Variants in DENND2B observed in about 807,000 individuals in gnomAD.
DENND2B encodes DENN domain containing 2B.
DENND2B carries 32 observed loss-of-function variants against 116.0 expected under a neutral mutation model. The observed-to-expected ratio is 0.28, with a 90% CI of 0.21 to 0.37. DENND2B has a LOEUF of 0.37. DENND2B is among the 10% of genes least tolerant of loss of function. The pLI, the probability that DENND2B is intolerant of heterozygous loss-of-function variation, is 1.00. For synonymous variants in DENND2B, 588 were observed against 583.9 expected, an observed-to-expected ratio of 1.01 and a Z score of -0.10; for missense variants, 1,276 against 1,477.7, an observed-to-expected ratio of 0.86 and a Z score of 2.24.
intron 2 of DENND2B, among the ~76,000 whole-genome samples, chr11:8,862,253 C>G (rs2063418076): frequency 6.7e-6 from 1 of 150,016 alleles, no homozygotes; most frequent in Admixed American, 6.6e-5. Context: ...AAAATGACCT[C>G]AAGTGATAAG....
chr11:8,798,701 G>GA (rs962143141), intron 1 of DENND2B, among the ~76,000 whole-genome samples: 2 of 151,474 alleles, frequency 1.3e-5, no homozygotes, highest in African/African-American at 2.4e-5. Flanking sequence ...TAAATGGAGG[G>GA]AAAAAAAACC....
At chr11:8,759,574 C>G (rs530042304) in intron 1 of DENND2B, among the ~76,000 whole-genome samples, 2 of 152,244 alleles carry the variant, frequency 1.3e-5, no homozygotes, top group African/African-American at 2.4e-5. Flanking sequence ...TAGGCAGCAG[C>G]CTAAAGGGAC....
At chr11:8,727,444 C>T (rs535098532) in intron 3 of DENND2B, among the ~76,000 whole-genome samples, 14 of 152,332 alleles carry the variant, frequency 9.2e-5, no homozygotes, top group Admixed American at 4.6e-4. Flanking sequence ...TCCTGGCTTT[C>T]AACTAACTCT....
chr11:8,762,150 A>G (rs1030664966), intron 1 of DENND2B, among the ~76,000 whole-genome samples: 10 of 152,142 alleles, frequency 6.6e-5, no homozygotes, highest in African/African-American at 1.9e-4. Context: ...CATAGCTCCC[A>G]TTACTCAAAG....
upstream of DENND2B, chr11:8,811,132 G>A (rs890013965): frequency 5.1e-6 from 2 of 395,068 alleles, no homozygotes; most frequent in South Asian, 2.8e-4. Context: ...CGGGTAGGAG[G>A]GACCCTGATG....
At chr11:8,743,560 A>AC (rs2050646418) in intron 2 of DENND2B, among the ~76,000 whole-genome samples, 1 of 151,524 alleles carries the variant, frequency 6.6e-6, no homozygotes, top group Admixed American at 6.6e-5. Flanking sequence ...AAAAAAAAAA[A>AC]TTTTTTTTTT....
At chr11:8,802,539 G>A (rs1238631024) in intron 1 of DENND2B, among the ~76,000 whole-genome samples, 1 of 152,092 alleles carries the variant, frequency 6.6e-6, no homozygotes, top group African/African-American at 2.4e-5. Flanking sequence ...AGGTGGCAGA[G>A]GCAGAATTTG....
At chr11:8,780,090 G>T in intron 1 of DENND2B, among the ~76,000 whole-genome samples, 1 of 152,138 alleles carries the variant, frequency 6.6e-6, no homozygotes, top group East Asian at 1.9e-4. Flanking sequence ...TATGGTTCCT[G>T]GAAGCCAGGA....
chr11:8,837,765 C>CCCA (rs2062485559), intron 4 of DENND2B, among the ~76,000 whole-genome samples: 3 of 152,288 alleles, frequency 2.0e-5, no homozygotes, highest in Admixed American at 1.3e-4. Flanking sequence ...ATGAACAGAA[C>CCCA]CAACAATCAA....
chr11:8,776,154 G>GCT, intron 1 of DENND2B: 2 of 287,974 alleles, frequency 6.9e-6, no homozygotes, highest in Non-Finnish European at 1.4e-5. Flanking sequence ...GCGCACGCGC[G>GCT]CGCGCGCACA....
intron 4 of DENND2B, among the ~76,000 whole-genome samples, chr11:8,822,368 T>C (rs988013956): frequency 3.9e-5 from 6 of 152,232 alleles, no homozygotes; most frequent in Non-Finnish European, 8.8e-5. Flanking sequence ...GTGAGGACAC[T>C]TAAGACTTAC....
At chr11:8,704,943 C>G (rs1256964643) in intron 13 of DENND2B, among the ~76,000 whole-genome samples, 1 of 151,906 alleles carries the variant, frequency 6.6e-6, no homozygotes, top group Non-Finnish European at 1.5e-5. Context: ...CTCAAGTGAT[C>G]CCCCCGCCTC....
At position 8,761,930 on chromosome 11, in the gene DENND2B, C is replaced by T. The variant is rs571323110; in HGVS notation, c.-25-11205G>A. On this transcript the variant is annotated intron_variant, in intron 1 of 19. Coordinates refer to ENST00000313726, the MANE Select transcript of DENND2B (RefSeq NM_213618.2). ...CCATCTACAAAGAACAGTGGGTACTCAGAGCCCAGTGCTACTGGAAGTCTC... is the reference window on the plus strand; with the variant it reads ...CCATCTACAAAGAACAGTGGGTACTTAGAGCCCAGTGCTACTGGAAGTCTC... 7.2e-5 allele frequency among the ~76,000 whole-genome samples: 11 copies of T among 152,270 alleles called. No individual in the cohort carries two copies. In the East Asian group the frequency reaches 2.1e-3, roughly 29 times the overall value.
At chr11:8,699,148 A>G in intron 15 of DENND2B, 65 bp downstream of exon 15, 3 of 1,520,678 alleles carry the variant, frequency 2.0e-6, no homozygotes, top group African/African-American at 2.8e-5. Context: ...AGGGGCCACA[A>G]GTAAGATCCC....
intron 1 of DENND2B, among the ~76,000 whole-genome samples, chr11:8,770,175 C>G (rs1442712435): frequency 1.3e-5 from 2 of 152,106 alleles, no homozygotes; most frequent in Non-Finnish European, 1.5e-5. Flanking sequence ...TCCCTTCTTC[C>G]CCAATGCAAA....
chr11:8,787,584 C>A (rs745596070), intron 1 of DENND2B, among the ~76,000 whole-genome samples: 1 of 152,186 alleles, frequency 6.6e-6, no homozygotes, highest in Non-Finnish European at 1.5e-5. Flanking sequence ...CATAAAAACA[C>A]GTAAGCAAGT....
intron 1 of DENND2B, among the ~76,000 whole-genome samples, chr11:8,762,777 T>C (rs1165104710): frequency 6.6e-6 from 1 of 152,166 alleles, no homozygotes; most frequent in Non-Finnish European, 1.5e-5. Flanking sequence ...GGAGAATCGC[T>C]TGAACCCGGG....
In DENND2B at chr11:8,702,820, G is replaced by A; in HGVS notation, c.2572-100C>T. Reference sequence around the variant, plus strand: ...TGGAGCTGCTTTCCCCTTCCAACCTGCTCTTTTCCAGGTCTCTCGTCTACC... The same window carrying A: ...TGGAGCTGCTTTCCCCTTCCAACCTACTCTTTTCCAGGTCTCTCGTCTACC... On this transcript the variant is annotated intron_variant, in intron 13 of 19. Transcript: ENST00000313726. The surrounding 1 kb of genome is among the most constrained non-coding windows in gnomAD (Gnocchi z 4.6). 6.8e-7 allele frequency: 1 copy of A among 1,462,958 alleles called. No individual in the cohort carries two copies. The highest frequency in any genetic ancestry group is 9.3e-7 in the Non-Finnish European group (1 of 1,080,956). The allele number at this position is 1,462,958 out of a possible 1,614,324, so 90.6% of individuals were successfully genotyped here. A position where few individuals can be genotyped will look rare whatever the true frequency, so the allele number is the denominator to read the frequency against.
At position 8,786,331 on chromosome 11, in the gene DENND2B, T is replaced by A. The variant is rs138839571; in HGVS notation, c.-26+24186A>T. On this transcript the variant is annotated intron_variant, in intron 1 of 19. Transcript: ENST00000313726. ...TGTAGTGGTAAAAACAAGAAAAAAATAAATAAATAAAACATACTTCTTGGT... is the reference window on the plus strand; with the variant it reads ...TGTAGTGGTAAAAACAAGAAAAAAAAAAATAAATAAAACATACTTCTTGGT... Among the ~76,000 whole-genome samples, 1,380 of 151,510 alleles carry A rather than the reference T, an allele frequency of 9.1e-3. 26 individuals carry two copies. The highest frequency in any genetic ancestry group is 0.032 in the African/African-American group (1,321 of 40,946).
Sources: gnomAD v4.1 joint callset for allele counts (sites outside exome capture counted in the v4.1 genomes callset) on GRCh38, gnomAD v4.1.1 for gene constraint, Gnocchi (gnomAD v3.1) non-coding constraint, MANE v1.5 for transcripts, NCBI Gene and HGNC (gene_info 2026-07-23, HGNC 2026-07-21) for gene names.